Variants in ANKS3 observed in about 807,000 individuals in gnomAD.
ANKS3 encodes ankyrin repeat and sterile alpha motif domain containing 3.
Under a neutral mutation model 80.7 loss-of-function variants are expected in ANKS3, and 62 were observed. That is an observed-to-expected ratio of 0.77 (90% CI 0.63 to 0.95). The LOEUF is 0.95. Among genes scored for constraint, ANKS3 ranks in the 40% least tolerant of loss-of-function variants. The pLI is 0.00. For missense variants in ANKS3, 1,150 were observed against 883.6 expected (o/e 1.30, Z -3.82); for synonymous variants, 489 against 355.3 (o/e 1.38, Z -4.23).
intron 7 of ANKS3, among the ~76,000 whole-genome samples, chr16:4,707,214 A>G (rs947489955): frequency 1.6e-4 from 25 of 152,020 alleles, no homozygotes; most frequent in African/African-American, 5.3e-4. Flanking sequence ...CAAAAGAGCC[A>G]GGGCTGCAAT....
chr16:4,714,139 C>T lies in ANKS3; in HGVS notation c.621G>A (p.Met207Ile). ...TCATGTGTCCGTACTGCTTGGCCAG[C>T]ATCCGGGCTGTGGCTCCACTGTGGT... is the stretch of plus-strand genomic sequence containing the variant. ...ARDHSGATAR[M>I]LAKQYGHMKI... Residue 207 changes from methionine to isoleucine, a missense_variant, in exon 7 of 18, where the codon ATG becomes ATA. Transcript: ENST00000304283. The T allele has an allele frequency of 6.2e-7, 1 of 1,614,192 alleles. No individual in the cohort carries two copies. The highest frequency in any genetic ancestry group is 8.5e-7 in the Non-Finnish European group (1 of 1,180,034).
At chr16:4,724,726 A>T (rs754223223) in intron 6 of ANKS3, 24 bp downstream of exon 6, 1 of 1,604,912 alleles carries the variant, frequency 6.2e-7, no homozygotes, top group South Asian at 1.1e-5. Context: ...ACTACATTAC[A>T]TGCTAATAAT....
rs752426429 is a variant in ANKS3 at position 4,697,322 on chromosome 16, C to T, written c.1894+11G>A. 2.0e-5 allele frequency: 32 copies of T among 1,597,614 alleles called. 2 individuals carry two copies. Among genetic ancestry groups the T allele is most frequent in the Middle Eastern group, 1.7e-4 (1 of 5,978 alleles). On this transcript the variant is annotated intron_variant, in intron 16 of 17. Transcript: ENST00000304283. The stretch of plus-strand genomic sequence containing the variant: ...AAGGAGCGCTCAGTCGTCTGGTCCC[C>T]GGAGACTCACCCATCTCACGGACAC...
At chr16:4,715,504 G>T (rs113031851) in intron 6 of ANKS3, among the ~76,000 whole-genome samples, 12 of 152,180 alleles carry the variant, frequency 7.9e-5, no homozygotes, top group African/African-American at 2.9e-4. Flanking sequence ...GCTGAGGCAG[G>T]AGGATCACTT....
At chr16:4,698,682 G>A (rs1000238796) in intron 13 of ANKS3, 83 bp from the exon 14 acceptor site, 2 of 1,526,392 alleles carry the variant, frequency 1.3e-6, no homozygotes, top group Non-Finnish European at 8.8e-7. Context: ...CCTGTGTGTG[G>A]GGCCCTCTCC....
intron 3 of ANKS3, among the ~76,000 whole-genome samples, chr16:4,729,187 A>C (rs1480445556): frequency 6.6e-6 from 1 of 152,172 alleles, no homozygotes; most frequent in East Asian, 1.9e-4. Context: ...ATTGTCTCTA[A>C]CTATTGTACA....
At chr16:4,706,836 T>G (rs927803431) in intron 7 of ANKS3, among the ~76,000 whole-genome samples, 1 of 152,146 alleles carries the variant, frequency 6.6e-6, no homozygotes, top group Non-Finnish European at 1.5e-5. Flanking sequence ...ACAATCCCAA[T>G]GCCAGGGAAG....
chr16:4,715,127 A>C (rs946541411), intron 6 of ANKS3, among the ~76,000 whole-genome samples: 8 of 151,984 alleles, frequency 5.3e-5, no homozygotes, highest in Non-Finnish European at 1.0e-4. Flanking sequence ...GATATTTACA[A>C]ACAGCTGTAT....
At chr16:4,721,373 C>G (rs1029881638) in intron 6 of ANKS3, among the ~76,000 whole-genome samples, 17 of 150,550 alleles carry the variant, frequency 1.1e-4, no homozygotes, top group African/African-American at 4.1e-4. Flanking sequence ...CTTTGGGAGA[C>G]CGAGGCAGGC....
At chr16:4,705,303 T>C (rs752428360) in intron 7 of ANKS3, 50 bp from the exon 8 acceptor site, 3 of 1,576,300 alleles carry the variant, frequency 1.9e-6, no homozygotes, top group Non-Finnish European at 1.7e-6. Flanking sequence ...ATGGACTCAT[T>C]TACTAATCCT....
At chr16:4,719,668 G>A (rs1344054988) in intron 6 of ANKS3, among the ~76,000 whole-genome samples, 1 of 151,412 alleles carries the variant, frequency 6.6e-6, no homozygotes, top group East Asian at 1.9e-4. Context: ...GCGTGGTAGT[G>A]CGTGCCTGTA....
intron 7 of ANKS3, among the ~76,000 whole-genome samples, chr16:4,711,173 G>A (rs960463293): frequency 1.8e-4 from 25 of 141,066 alleles, no homozygotes; most frequent in Non-Finnish European, 3.6e-4. Context: ...GCACGATCTC[G>A]GCTCACCTCA....
intron 7 of ANKS3, among the ~76,000 whole-genome samples, chr16:4,709,489 A>G (rs1458963751): frequency 6.6e-6 from 1 of 152,224 alleles, no homozygotes; most frequent in Non-Finnish European, 1.5e-5. Flanking sequence ...AAAGGAAATC[A>G]GTATACCAAA....
chr16:4,733,876 G>A, intron 1 of ANKS3, 62 bp downstream of exon 1: 2 of 973,654 alleles, frequency 2.1e-6, no homozygotes, highest in Non-Finnish European at 2.4e-6. Context: ...CCGTGGAACC[G>A]CATCGCAAAG....
At chr16:4,719,235 G>C (rs2080959181) in intron 6 of ANKS3, among the ~76,000 whole-genome samples, 1 of 152,200 alleles carries the variant, frequency 6.6e-6, no homozygotes, top group Non-Finnish European at 1.5e-5. Flanking sequence ...AGGAGGCTGA[G>C]TTGCAAGGAT....
At chr16:4,732,783 C>T (rs537551329) in intron 1 of ANKS3, among the ~76,000 whole-genome samples, 1 of 150,922 alleles carries the variant, frequency 6.6e-6, no homozygotes, top group Admixed American at 6.6e-5. Context: ...AGTTTTCATT[C>T]AACTTTTTGG....
chr16:4,697,031 G>C lies in ANKS3; in HGVS notation c.1968C>G (p.Thr656=). ...QVLNGKKWRE[T] The stretch of plus-strand genomic sequence containing the variant: ...CAGACACTCACCGGCCCGCAGGCTA[G>C]GTCTCCCGCCACTTCTTCCCGTTCA... The change falls in exon 17 of 18, where the codon ACC becomes ACG. Residue 656 remains threonine, a synonymous_variant. Coordinates refer to ENST00000304283, the MANE Select transcript of ANKS3 (RefSeq NM_133450.4). 1 of 1,611,990 alleles carries C rather than the reference G, an allele frequency of 6.2e-7. No homozygotes were observed. Among genetic ancestry groups the C allele is most frequent in the African/African-American group, 1.3e-5 (1 of 75,022 alleles).
chr16:4,700,624 CTG>C (rs2079846488), intron 11 of ANKS3: 1 of 400,316 alleles, frequency 2.5e-6, no homozygotes, highest in Admixed American at 3.6e-5. Context: ...CAAGCACACA[CTG>C]TGTGTAGTTC....
intron 7 of ANKS3, among the ~76,000 whole-genome samples, chr16:4,711,411 G>C (rs1348577734): frequency 4.0e-5 from 6 of 151,354 alleles, no homozygotes; most frequent in African/African-American, 1.2e-4. Context: ...CCCTGAAACA[G>C]AATATTTTAA....
Sources: gnomAD v4.1 joint callset for allele counts (sites outside exome capture counted in the v4.1 genomes callset) on GRCh38, gnomAD v4.1.1 for gene constraint, MANE v1.5 for transcripts, NCBI Gene and HGNC (gene_info 2026-07-23, HGNC 2026-07-21) for gene names.